KIF15: variants seen among roughly 807,000 people sequenced by gnomAD.
KIF15 encodes kinesin family member 15.
KIF15 carries 140 observed loss-of-function variants against 190.6 expected under a neutral mutation model. That is an observed-to-expected ratio of 0.73 (90% CI 0.64 to 0.84). The LOEUF (loss-of-function observed/expected upper bound fraction) is 0.84. Among genes scored for constraint, KIF15 ranks in the 40% least tolerant of loss-of-function variants. The pLI, the probability that KIF15 is intolerant of heterozygous loss-of-function variation, is 0.00. For missense variants in KIF15, 1,372 were observed against 1,584.4 expected (o/e 0.87, Z 2.28); for synonymous variants, 528 against 551.3 (o/e 0.96, Z 0.59).
chr3:44,774,040 T>G (rs192351185), intron 1 of KIF15, among the ~76,000 whole-genome samples: 1 of 152,300 alleles, frequency 6.6e-6, no homozygotes, highest in East Asian at 1.9e-4. Context: ...TCTCCCAGTG[T>G]GCATGTGGGC....
chr3:44,775,535 A>T, intron 3 of KIF15, 98 bp downstream of exon 3: 1 of 811,672 alleles, frequency 1.2e-6, no homozygotes, highest in Non-Finnish European at 1.9e-6. Context: ...GGCTCACTGC[A>T]CCCTCTGCCT....
At position 44,775,394 on chromosome 3, in the gene KIF15, A is replaced by G. The variant is rs1490419706; in HGVS notation, c.203A>G (p.Lys68Arg). ...CGGCTGCACTCCAACCCTGAGCCCA[A>G]GACCTTCACGTTTGATCATGTTGCA... ...SLRLHSNPEP[K>R]TFTFDHVADV... Residue 68 changes from lysine (K) to arginine (R), a missense_variant, in exon 3 of 35, where the codon AAG becomes AGG. Lys to Arg is a conservative substitution (Grantham distance 26, BLOSUM62 2). Transcript: ENST00000326047. The G allele has an allele frequency of 1.2e-6, 2 of 1,613,848 alleles. No homozygotes were observed. The highest frequency in any genetic ancestry group is 2.7e-5 in the African/African-American group (2 of 74,902).
Position 44,843,367 on chromosome 3 carries a change from G to T in KIF15, c.3695+133G>T, listed in dbSNP as rs1479737012. ...CCACTAATCCAGGAGATGGTCTTTT[G>T]GTTGATTTTGAATCAAGTCTGATCT... On this transcript the variant is annotated intron_variant, in intron 30 of 34. Transcript: ENST00000326047. 5 of 617,386 alleles carry T rather than the reference G, an allele frequency of 8.1e-6. No individual in the cohort carries two copies. The East Asian group carries it at 1.4e-4, about 17-fold the overall frequency. 38.2% of individuals were successfully genotyped at this position (617,386 alleles called of 1,614,324 possible).
At position 44,810,775 on chromosome 3, in the gene KIF15, A is replaced by T. The variant is rs959539897; in HGVS notation, c.1972-71A>T. 4 of 1,242,356 alleles carry T rather than the reference A, an allele frequency of 3.2e-6. No individual in the cohort carries two copies. The African/African-American group carries it at 4.6e-5, about 14-fold the overall frequency. 77.0% of individuals were successfully genotyped at this position (1,242,356 alleles called of 1,614,324 possible). A position where few individuals can be genotyped will look rare whatever the true frequency, so the allele number is the denominator to read the frequency against. On this transcript the variant is annotated intron_variant, in intron 16 of 34. Coordinates refer to ENST00000326047, the MANE Select transcript of KIF15 (RefSeq NM_020242.3). Reference sequence around the variant, plus strand: ...ATAGTATTTCAATTTTATCCTCTCTATTCACAAAATTATTAAATATGCCCT... The same window carrying T: ...ATAGTATTTCAATTTTATCCTCTCTTTTCACAAAATTATTAAATATGCCCT...
chr3:44,800,721 A>G (rs1183938372), intron 11 of KIF15, among the ~76,000 whole-genome samples: 2 of 152,228 alleles, frequency 1.3e-5, no homozygotes, highest in Non-Finnish European at 2.9e-5. Flanking sequence ...TAATCTATAT[A>G]TGTTTACTAT....
rs1450148797 is a variant in KIF15 at position 44,863,305 on chromosome 3, C to CG, written c.*60-10024_*60-10023insG. 4.9e-5 allele frequency: 5 copies of CG among 101,404 alleles called. 1 individual carries two copies. The highest frequency in any genetic ancestry group is 1.8e-4 in the Admixed American group (2 of 10,922). 6.3% of individuals were successfully genotyped at this position (101,404 alleles called of 1,614,324 possible). ...TAAGTATATTTAGATTCCGCACCCC[C>CG]CCCCCCCGCCGCCTTGTCTCCAGGC... On this transcript the variant is annotated intron_variant and NMD_transcript_variant, in intron 6 of 6. Transcript: ENST00000422209.
chr3:44,851,833 C>G lies in KIF15; in HGVS notation c.3853C>G (p.Leu1285Val), dbSNP rs574220923. Residue 1285 changes from leucine (L) to valine (V), a missense_variant, in exon 33 of 35, where the codon CTT (leucine) becomes GTT (valine). Coordinates refer to ENST00000326047, the MANE Select transcript of KIF15 (RefSeq NM_020242.3). ...CCTTTACAACAAAGAGATGGAATGC[C>G]TTAGAATGACTGATGAAGTCGAACG... ...SALYNKEMECLRMTDEVERTQ... is the reference protein window; with the variant it reads ...SALYNKEMECVRMTDEVERTQ... The G allele has an allele frequency of 3.1e-6, 5 of 1,613,896 alleles. No homozygotes were observed.
At chr3:44,830,783 G>A in intron 25 of KIF15, 113 bp from the exon 26 acceptor site, 1 of 1,006,564 alleles carries the variant, frequency 9.9e-7, no homozygotes, top group Non-Finnish European at 1.4e-6. Flanking sequence ...AGTATTTATT[G>A]AATTATCTTG....
At chr3:44,763,836 C>T (rs1705265171) in intron 1 of KIF15, among the ~76,000 whole-genome samples, 1 of 152,112 alleles carries the variant, frequency 6.6e-6, no homozygotes, top group Non-Finnish European at 1.5e-5. Context: ...TACAGGCGTG[C>T]ACCACCATGC....
rs1706784266 is a variant in KIF15 at position 44,792,838 on chromosome 3, G to A, written c.640-1379G>A. The stretch of plus-strand genomic sequence containing the variant: ...TGGAATTACAGGCGTGAGCCACCGT[G>A]CCCTGCCAACAGCTATGATTTATTG... On this transcript the variant is annotated intron_variant, in intron 7 of 34. Coordinates refer to ENST00000326047, the MANE Select transcript of KIF15 (RefSeq NM_020242.3). Among the ~76,000 whole-genome samples the A allele has an allele frequency of 2.0e-5, 3 of 152,156 alleles. No homozygotes were observed. The South Asian group carries it at 6.2e-4, about 31-fold the overall frequency.
chr3:44,822,907 TA>T (rs927130453), intron 20 of KIF15, among the ~76,000 whole-genome samples: 31 of 152,218 alleles, frequency 2.0e-4, no homozygotes, highest in African/African-American at 7.2e-4. Context: ...GCCATTCGTC[TA>T]ATCTTTTTTC....
chr3:44,852,991 T>C lies in KIF15; in HGVS notation c.*256T>C. ...AACTTAAGGGAAAACCTTTTGTCTTTGTAAAAATAAAAGCCTGTAGCTAAG... is the reference window on the plus strand; with the variant it reads ...AACTTAAGGGAAAACCTTTTGTCTTCGTAAAAATAAAAGCCTGTAGCTAAG... On this transcript the variant is annotated 3_prime_UTR_variant, in exon 35 of 35. Transcript: ENST00000326047. The C allele has an allele frequency of 3.5e-6, 1 of 283,948 alleles. No individual in the cohort carries two copies. Among genetic ancestry groups the C allele is most frequent in the Non-Finnish European group, 6.4e-6 (1 of 155,532 alleles). 17.6% of individuals were successfully genotyped at this position (283,948 alleles called of 1,614,324 possible). A position where few individuals can be genotyped will look rare whatever the true frequency, so the allele number is the denominator to read the frequency against.
intron 29 of KIF15, among the ~76,000 whole-genome samples, chr3:44,841,860 T>C (rs780766219): frequency 6.6e-6 from 1 of 152,170 alleles, no homozygotes; most frequent in Non-Finnish European, 1.5e-5. Context: ...CCCCTTTCTT[T>C]TAGAGCTTTT....
intron 20 of KIF15, among the ~76,000 whole-genome samples, chr3:44,822,520 C>G (rs1198066829): frequency 1.3e-5 from 2 of 152,098 alleles, no homozygotes; most frequent in Non-Finnish European, 2.9e-5. Context: ...TTGTGGTATT[C>G]TCTGTTTTTC....
intron 20 of KIF15, among the ~76,000 whole-genome samples, chr3:44,820,351 A>T (rs1337186251): frequency 2.5e-4 from 34 of 135,894 alleles, no homozygotes; most frequent in Non-Finnish European, 3.0e-4. Flanking sequence ...TTTTTTTTTT[A>T]AACTTTTATT....
chr3:44,805,483 A>G (rs1179022414), intron 15 of KIF15, among the ~76,000 whole-genome samples: 1 of 152,250 alleles, frequency 6.6e-6, no homozygotes, highest in Non-Finnish European at 1.5e-5. Flanking sequence ...TAATATTCCT[A>G]CTTGATTCTC....
At position 44,801,541 on chromosome 3, in the gene KIF15, T is replaced by G. The variant is rs774037191; in HGVS notation, c.1299+15T>G. On this transcript the variant is annotated intron_variant, in intron 12 of 34. Coordinates refer to ENST00000326047, the MANE Select transcript of KIF15 (RefSeq NM_020242.3). Reference sequence around the variant, plus strand: ...AGGAAAAGAAGGTAGGAAATGGAATTAGTAATAAAGGAGATTCAAGATAGT... The same window carrying G: ...AGGAAAAGAAGGTAGGAAATGGAATGAGTAATAAAGGAGATTCAAGATAGT... The G allele has an allele frequency of 2.0e-6, 3 of 1,486,396 alleles. No homozygotes were observed. The highest frequency in any genetic ancestry group is 2.8e-6 in the Non-Finnish European group (3 of 1,066,644). 92.1% of individuals were successfully genotyped at this position (1,486,396 alleles called of 1,614,324 possible).
intron 30 of KIF15, among the ~76,000 whole-genome samples, chr3:44,846,697 C>T (rs963562358): frequency 3.4e-5 from 5 of 146,012 alleles, no homozygotes; most frequent in Admixed American, 7.0e-5. Flanking sequence ...TCGCTTGAAC[C>T]GGGGAGGTGG....
chr3:44,794,304 A>T lies in KIF15; in HGVS notation c.727A>T (p.Thr243Ser). Reference protein sequence around the residue: ...SSRSHAVFTITIESMEKSNEI... With the variant: ...SSRSHAVFTISIESMEKSNEI... ...TAGGTCTCATGCCGTCTTTACAATT[A>T]CAATAGAGTCAATGGAGAAAAGTAA... is the stretch of plus-strand genomic sequence containing the variant. The change falls in exon 8 of 35, where the codon ACA (threonine) becomes TCA (serine). Residue 243 changes from threonine to serine, a missense_variant. Physicochemically the swap from Thr to Ser is moderately conservative, Grantham distance 58. Transcript: ENST00000326047. 1 of 1,614,052 alleles carries T rather than the reference A, an allele frequency of 6.2e-7. No individual in the cohort carries two copies. The highest frequency in any genetic ancestry group is 8.5e-7 in the Non-Finnish European group (1 of 1,179,914).
Sources: allele counts gnomAD v4.1 joint callset (sites outside exome capture counted in the v4.1 genomes callset), GRCh38; gene constraint gnomAD v4.1.1; transcripts MANE v1.5; gene names NCBI Gene and HGNC (gene_info 2026-07-23, HGNC 2026-07-21).